PRR33: variants seen among roughly 807,000 people sequenced by gnomAD.
PRR33 encodes proline rich 33.
In PRR33, 1 loss-of-function variant was observed where a neutral mutation model predicts 0.5. That is an observed-to-expected ratio of 2.18 (90% CI 0.77 to 10.34). The LOEUF is 10.34. PRR33 is among the 30% of genes most tolerant of loss of function. The probability of loss-of-function intolerance (pLI) is 0.13; values close to 1 mark genes in which losing one functional copy is unlikely to be tolerated. For missense variants in PRR33, 552 were observed against 251.8 expected, an observed-to-expected ratio of 2.19 and a Z score of -8.07; for synonymous variants, 226 against 110.0, an observed-to-expected ratio of 2.06 and a Z score of -6.60.
At chr11:1,897,569 G>A in the PRR33 span, among the ~76,000 whole-genome samples, 2 of 152,122 alleles carry the variant, frequency 1.3e-5, 1 homozygote, top group Admixed American at 1.3e-4. This position sits in a 1 kb window ranked among gnomAD's most constrained non-coding sequence, Gnocchi z 4.0. Flanking sequence ...GGCCTCTTGC[G>A]GGAGCTCAGT....
the PRR33 span, among the ~76,000 whole-genome samples, chr11:1,910,182 G>A: frequency 0.021 from 3,173 of 152,238 alleles, 74 homozygotes; most frequent in East Asian, 0.11. Context: ...AGCAATCTGT[G>A]CCCAGCAATG....
the PRR33 span, among the ~76,000 whole-genome samples, chr11:1,917,267 C>A: frequency 1.1e-4 from 16 of 152,298 alleles, no homozygotes; most frequent in Non-Finnish European, 1.5e-4. Context: ...CCACCACCCC[C>A]AACCATGCGC....
At chr11:1,912,296 T>A in the PRR33 span, among the ~76,000 whole-genome samples, 1 of 152,186 alleles carries the variant, frequency 6.6e-6, no homozygotes, top group Non-Finnish European at 1.5e-5. Context: ...GTCTTTTTTT[T>A]TGTCTTTGCA....
the PRR33 span, among the ~76,000 whole-genome samples, chr11:1,916,378 A>C: frequency 6.6e-6 from 1 of 152,108 alleles, no homozygotes. Flanking sequence ...CAGAAAAGCA[A>C]AACCTCGACA....
the PRR33 span, among the ~76,000 whole-genome samples, chr11:1,916,502 ACT>A: frequency 1.2e-3 from 2 of 1,632 alleles, no homozygotes; most frequent in Non-Finnish European, 2.7e-3. Flanking sequence ...CAGTGACAGC[ACT>A]CCCCTTGTTT....
the PRR33 span, among the ~76,000 whole-genome samples, chr11:1,897,573 G>A: frequency 6.6e-6 from 1 of 152,178 alleles, no homozygotes; most frequent in Admixed American, 6.5e-5. This position sits in a 1 kb window ranked among gnomAD's most constrained non-coding sequence, Gnocchi z 4.0. Context: ...TCTTGCGGGA[G>A]CTCAGTCCAA....
chr11:1,908,226 G>A, the PRR33 span, among the ~76,000 whole-genome samples: 7 of 152,094 alleles, frequency 4.6e-5, no homozygotes, highest in Non-Finnish European at 1.5e-5. Flanking sequence ...TTTTGAATTC[G>A]GCTCTGATGT....
At chr11:1,889,458 A>C (rs931862040) in exon 1 of PRR33, 6 of 638,092 alleles carry the variant, frequency 9.4e-6, no homozygotes, top group African/African-American at 9.2e-5. Flanking sequence ...GGGGGCAGGC[A>C]CCTCCTGCTC....
the PRR33 span, among the ~76,000 whole-genome samples, chr11:1,904,165 T>C: frequency 1.0e-3 from 156 of 152,318 alleles, no homozygotes; most frequent in African/African-American, 3.6e-3. Flanking sequence ...GGGTCCTCCA[T>C]TGGTCAGTCA....
In PRR33 at chr11:1,889,503, C is replaced by T. The variant is rs187838363; in HGVS notation, c.1082G>A (p.Arg361Gln). Residue 361 changes from arginine (R) to glutamine (Q), a missense_variant, in exon 1 of 1, where the codon CGG (arginine) becomes CAG (glutamine). Transcript: ENST00000640310. ...GGGCACCTCTGGCTCCAGGCTCTGC[C>T]GCGGCTCTGGGCACGGAGGCTCTGG... is the stretch of plus-strand genomic sequence containing the variant. The T allele has an allele frequency of 1.1e-4, 69 of 617,768 alleles. 1 individual carries two copies. Among genetic ancestry groups the T allele is most frequent in the African/African-American group, 1.1e-3 (57 of 53,730 alleles). 38.3% of individuals were successfully genotyped at this position (617,768 alleles called of 1,614,324 possible).
the PRR33 span, among the ~76,000 whole-genome samples, chr11:1,900,211 C>T: frequency 6.6e-6 from 1 of 152,008 alleles, no homozygotes; most frequent in Non-Finnish European, 1.5e-5. Context: ...TCTTAAATAC[C>T]AATTTTGTTT....
At chr11:1,917,431 C>A in the PRR33 span, among the ~76,000 whole-genome samples, 1 of 152,146 alleles carries the variant, frequency 6.6e-6, no homozygotes, top group Non-Finnish European at 1.5e-5. Flanking sequence ...AATTTCAGAA[C>A]CCCCCCATCC....
the PRR33 span, among the ~76,000 whole-genome samples, chr11:1,914,167 G>T: frequency 6.6e-6 from 1 of 152,268 alleles, no homozygotes; most frequent in South Asian, 2.1e-4. Flanking sequence ...TGCTGTGGGG[G>T]TGCAGGCCCA....
At chr11:1,917,506 C>A in the PRR33 span, among the ~76,000 whole-genome samples, 2 of 152,326 alleles carry the variant, frequency 1.3e-5, no homozygotes, top group African/African-American at 4.8e-5. Context: ...GGTGGAAATG[C>A]GTCCCCAACC....
chr11:1,913,995 A>T, the PRR33 span, among the ~76,000 whole-genome samples: 3 of 152,302 alleles, frequency 2.0e-5, no homozygotes, highest in Non-Finnish European at 2.9e-5. Flanking sequence ...CCTCCTGTCC[A>T]TTTGGTGCTC....
the PRR33 span, among the ~76,000 whole-genome samples, chr11:1,915,489 GTTTC>G: frequency 1.2e-3 from 156 of 135,598 alleles, no homozygotes; most frequent in African/African-American, 4.2e-3. Context: ...CTCAGATGAT[GTTTC>G]TTTGTGTGTG....
the PRR33 span, among the ~76,000 whole-genome samples, chr11:1,899,949 C>T: frequency 6.6e-6 from 1 of 152,032 alleles, no homozygotes; most frequent in Non-Finnish European, 1.5e-5. Flanking sequence ...TTCGATTGTC[C>T]TCCCAGGATT....
the PRR33 span, among the ~76,000 whole-genome samples, chr11:1,908,415 A>T: frequency 6.7e-6 from 1 of 149,072 alleles, no homozygotes; most frequent in Non-Finnish European, 1.5e-5. Context: ...TGAGAGTCAA[A>T]CTCCCTACCC....
the PRR33 span, among the ~76,000 whole-genome samples, chr11:1,917,588 C>G: frequency 2.0e-5 from 3 of 152,246 alleles, no homozygotes; most frequent in Non-Finnish European, 2.9e-5. Context: ...GCCCTGCCTC[C>G]TCTCCTTGGA....
Sources: allele counts gnomAD v4.1 joint callset (sites outside exome capture counted in the v4.1 genomes callset), GRCh38; gene constraint gnomAD v4.1.1; non-coding constraint Gnocchi (gnomAD v3.1); transcripts MANE v1.5; gene names NCBI Gene and HGNC (gene_info 2026-07-23, HGNC 2026-07-21).